Variants in SMURF1 observed in about 807,000 individuals in gnomAD.
The protein encoded by SMURF1 is E3 ubiquitin-protein ligase SMURF1.
SMURF1 carries 44 observed loss-of-function variants against 98.0 expected under a neutral mutation model. The observed-to-expected ratio is 0.45, with a 90% CI of 0.35 to 0.58. SMURF1 has a LOEUF of 0.58. Among genes scored for constraint, SMURF1 ranks in the 20% least tolerant of loss-of-function variants. The pLI is 0.00. For missense variants in SMURF1, 687 were observed against 938.4 expected, an observed-to-expected ratio of 0.73 and a Z score of 3.50; for synonymous variants, 396 against 374.9, an observed-to-expected ratio of 1.06 and a Z score of -0.65.
At chr7:99,110,695 C>T (rs940569626) in intron 1 of SMURF1, among the ~76,000 whole-genome samples, 14 of 152,204 alleles carry the variant, frequency 9.2e-5, no homozygotes, top group African/African-American at 2.7e-4. Flanking sequence ...ATGCATGTGC[C>T]GTTTAACTCA....
chr7:99,117,806 G>C (rs758963886), intron 1 of SMURF1, among the ~76,000 whole-genome samples: 1 of 151,810 alleles, frequency 6.6e-6, no homozygotes, highest in Non-Finnish European at 1.5e-5. Context: ...TATGCTGAGC[G>C]TGGTGGCTCA....
chr7:99,063,241 TTATATATATA>T (rs1178325637), intron 1 of SMURF1, among the ~76,000 whole-genome samples: 52 of 34,804 alleles, frequency 1.5e-3, no homozygotes, highest in African/African-American at 5.2e-3. Flanking sequence ...TAAGATTTAT[TTATATATATA>T]TATATATATA....
intron 11 of SMURF1, 200 bp downstream of exon 11, chr7:99,045,498 G>A (rs555452214): frequency 4.7e-5 from 25 of 526,476 alleles, no homozygotes; most frequent in South Asian, 4.7e-4. Context: ...GTTATGGCAA[G>A]AGGCTGGCAC....
chr7:99,048,901 G>A (rs965304994), intron 9 of SMURF1: 3 of 152,348 alleles, frequency 2.0e-5, no homozygotes, highest in African/African-American at 4.8e-5. Context: ...GACCAGCCTG[G>A]CCAACATGGC....
At chr7:99,084,975 G>A (rs1182867864) in intron 1 of SMURF1, among the ~76,000 whole-genome samples, 1 of 152,108 alleles carries the variant, frequency 6.6e-6, no homozygotes, top group Non-Finnish European at 1.5e-5. Flanking sequence ...GTAGCAACTA[G>A]CATCCTCCTC....
intron 1 of SMURF1, among the ~76,000 whole-genome samples, chr7:99,067,158 C>T (rs771066203): frequency 2.6e-5 from 4 of 151,834 alleles, no homozygotes; most frequent in South Asian, 2.1e-4. Flanking sequence ...CCACCATGCC[C>T]GGCTAATTTT....
intron 1 of SMURF1, among the ~76,000 whole-genome samples, chr7:99,116,051 C>T (rs1797441238): frequency 6.6e-6 from 1 of 152,154 alleles, no homozygotes. Context: ...GAAATATGCA[C>T]AAATTTAACA....
At chr7:99,050,738 T>C (rs150484439) in intron 8 of SMURF1, 218 of 563,696 alleles carry the variant, frequency 3.9e-4, no homozygotes, top group Admixed American at 1.1e-3. Flanking sequence ...ACATTAAACA[T>C]AGTCTTGGAA....
chr7:99,102,292 A>C (rs1797101118), intron 1 of SMURF1, among the ~76,000 whole-genome samples: 1 of 152,204 alleles, frequency 6.6e-6, no homozygotes, highest in African/African-American at 2.4e-5. Context: ...ATCTGTCTCT[A>C]AAGAGTTTTG....
intron 11 of SMURF1, among the ~76,000 whole-genome samples, chr7:99,045,125 C>T (rs1268147884): frequency 6.6e-6 from 1 of 151,502 alleles, no homozygotes; most frequent in East Asian, 1.9e-4. Context: ...GGCAACAGAG[C>T]AAGACCCCGT....
intron 13 of SMURF1, among the ~76,000 whole-genome samples, 185 bp downstream of exon 13, chr7:99,040,193 G>A (rs533717403): frequency 2.0e-5 from 3 of 151,696 alleles, no homozygotes; most frequent in Non-Finnish European, 4.4e-5. Flanking sequence ...CGAACTCCTG[G>A]ACTGAATTGA....
chr7:99,108,278 C>A (rs1397204280), intron 1 of SMURF1, among the ~76,000 whole-genome samples: 2 of 148,840 alleles, frequency 1.3e-5, no homozygotes, highest in South Asian at 2.3e-4. Context: ...AGTGCAGTGG[C>A]GCGATCTTGG....
In SMURF1 at chr7:99,049,585, G is replaced by C. The variant is rs1395253231; in HGVS notation, c.931C>G (p.Pro311Ala). The C allele has an allele frequency of 6.2e-7, 1 of 1,613,978 alleles. No individual in the cohort carries two copies. Residue 311 changes from proline (P) to alanine (A), a missense_variant, in exon 9 of 18, where the codon CCA becomes GCA. Physicochemically the swap from Pro to Ala is conservative, Grantham distance 27. Coordinates refer to ENST00000361368, the MANE Select transcript of SMURF1 (RefSeq NM_181349.3). ...TACTTCATGATGTGGTGTAACCTTG[G>C]GTCTGTAAACTGGGTTGTTCGGTTA... is the stretch of plus-strand genomic sequence containing the variant. ...HNNRTTQFTDPRLHHIMNHQC... is the reference protein window; with the variant it reads ...HNNRTTQFTDARLHHIMNHQC...
At chr7:99,138,586 G>C (rs571408548) in intron 1 of SMURF1, among the ~76,000 whole-genome samples, 118 of 152,110 alleles carry the variant, frequency 7.8e-4, no homozygotes, top group African/African-American at 2.7e-3. Context: ...CAAGACTAGA[G>C]GTTTTAAACT....
chr7:99,030,218 G>A lies in SMURF1; in HGVS notation c.*366C>T, dbSNP rs903412329. ...CAGTTCCAAACCCTCAATCAGCCAC[G>A]CCCAGTCCCCTAACTGTGAGTTGAT... On this transcript the variant is annotated 3_prime_UTR_variant, in exon 18 of 18. Coordinates refer to ENST00000361368, the MANE Select transcript of SMURF1 (RefSeq NM_181349.3). The A allele has an allele frequency of 5.1e-5, 10 of 195,098 alleles. No individual in the cohort carries two copies. Among genetic ancestry groups the A allele is most frequent in the African/African-American group, 1.2e-4 (5 of 43,030 alleles). 12.1% of individuals were successfully genotyped at this position (195,098 alleles called of 1,614,324 possible).
At chr7:99,073,575 G>A (rs544843277) in intron 1 of SMURF1, among the ~76,000 whole-genome samples, 58 of 151,746 alleles carry the variant, frequency 3.8e-4, no homozygotes, top group Non-Finnish European at 6.0e-4. Context: ...GACCAGCCTG[G>A]CCAACATGGT....
At position 99,059,138 on chromosome 7, in the gene SMURF1, G is replaced by A. The variant is rs961686405; in HGVS notation, c.203+1461C>T. 3.3e-5 allele frequency among the ~76,000 whole-genome samples: 5 copies of A among 151,776 alleles called. No homozygotes were observed. The Middle Eastern group carries it at 0.01, about 310-fold the overall frequency. On this transcript the variant is annotated intron_variant, in intron 3 of 17. Coordinates refer to ENST00000361368, the MANE Select transcript of SMURF1 (RefSeq NM_181349.3). ...AAATAGGCCGGGCGCGGTGGCTCAC[G>A]CCTGTAATCCCAGCACTTTGGGAGG...
At chr7:99,057,591 G>GTTTT (rs200219353) in intron 3 of SMURF1, 40 bp from the exon 4 acceptor site, 17 of 1,323,546 alleles carry the variant, frequency 1.3e-5, no homozygotes, top group Middle Eastern at 4.0e-4. Context: ...ATTGTGTTTG[G>GTTTT]TTTTTTTTGT....
At position 99,142,239 on chromosome 7, in the gene SMURF1, G is replaced by A. The variant is rs563791276; in HGVS notation, c.55+1487C>T. Among the ~76,000 whole-genome samples, 27 of 152,326 alleles carry A rather than the reference G, an allele frequency of 1.8e-4. No individual in the cohort carries two copies. The South Asian group carries it at 5.4e-3, about 30-fold the overall frequency. On this transcript the variant is annotated intron_variant, in intron 1 of 17. Transcript: ENST00000361368. ...ACGGACTTTTCATTGAAGACAAAAT[G>A]AATCAAGGAGCCTGCGTGTGGGCAG...
Sources: allele counts gnomAD v4.1 joint callset (sites outside exome capture counted in the v4.1 genomes callset), GRCh38; gene constraint gnomAD v4.1.1; transcripts MANE v1.5; gene names NCBI Gene and HGNC (gene_info 2026-07-23, HGNC 2026-07-21).